ACSBG2: variants seen among roughly 807,000 people sequenced by gnomAD.
ACSBG2 encodes acyl-CoA synthetase bubblegum family member 2.
Under a neutral mutation model 74.7 loss-of-function variants are expected in ACSBG2, and 62 were observed. The observed-to-expected ratio is 0.83, with a 90% CI of 0.68 to 1.03. ACSBG2 has a LOEUF of 1.03. ACSBG2 is among the 50% of genes least tolerant of loss of function. The pLI, the probability that ACSBG2 is intolerant of heterozygous loss-of-function variation, is 0.00. For synonymous variants in ACSBG2, 309 were observed against 294.1 expected (o/e 1.05, Z -0.52); for missense variants, 730 against 817.6 (o/e 0.89, Z 1.31).
intron 10 of ACSBG2, among the ~76,000 whole-genome samples, chr19:6,183,514 G>A (rs2090320987): frequency 6.6e-6 from 1 of 152,220 alleles, no homozygotes; most frequent in South Asian, 2.1e-4. Flanking sequence ...TTTGTCACTT[G>A]TGAGTTCTGC....
chr19:6,186,123 A>ATCT (rs111917603), intron 11 of ACSBG2, among the ~76,000 whole-genome samples: 12,650 of 151,550 alleles, frequency 0.083, 920 homozygotes, highest in African/African-American at 0.2. Context: ...AAAAAGTGCC[A>ATCT]TCTTCTCCTG....
intron 8 of ACSBG2, among the ~76,000 whole-genome samples, chr19:6,181,056 A>AAC (rs1047058895): frequency 6.6e-6 from 1 of 150,838 alleles, no homozygotes. Flanking sequence ...AAAAAAAAAA[A>AAC]AAAAAAGAAA....
At position 6,138,595 on chromosome 19, in the gene ACSBG2, AGAG is replaced by A. The variant is rs376931425; in HGVS notation, c.-32+2687_-32+2689del. Among the ~76,000 whole-genome samples, 8 of 78,266 alleles carry A rather than the reference AGAG, an allele frequency of 1.0e-4. No homozygotes were observed. In the East Asian group the frequency reaches 2.2e-3, roughly 21 times the overall value. 51.3% of individuals were successfully genotyped at this position (78,266 alleles called of 152,430 possible). ...GGAGGGAGGGAAGGAAAGAGGGAAG[AGAG>A]AGGGAGGAAGGAAGGAAGGAAGGGG... On this transcript the variant is annotated intron_variant, in intron 1 of 14. Transcript: ENST00000588485.
chr19:6,182,656 T>A (rs2090291551), intron 8 of ACSBG2, 95 bp from the exon 9 acceptor site: 1 of 1,215,384 alleles, frequency 8.2e-7, no homozygotes, highest in Non-Finnish European at 1.2e-6. Flanking sequence ...AGTGAAGGAA[T>A]GTTCTCTTGG....
chr19:6,145,621 G>A (rs1408830400), intron 2 of ACSBG2, among the ~76,000 whole-genome samples: 2 of 152,054 alleles, frequency 1.3e-5, no homozygotes, highest in African/African-American at 4.8e-5. Flanking sequence ...TTACTGGGTG[G>A]TAGTGAGAAA....
Position 6,184,614 on chromosome 19 carries a change from G to GAA in ACSBG2, c.1323-808_1323-807dup, listed in dbSNP as rs773413408. On this transcript the variant is annotated intron_variant, in intron 10 of 14. Coordinates refer to ENST00000588485, the MANE Select transcript of ACSBG2 (RefSeq NM_030924.5). Reference sequence around the variant, plus strand: ...CTGCACTGGCCAGTGCTATCTCTAGGAAAAAAAAAAAAAAAGACAAAGAAC... The same window carrying GAA: ...CTGCACTGGCCAGTGCTATCTCTAGGAAAAAAAAAAAAAAAAAGACAAAGAAC... 5.6e-5 allele frequency among the ~76,000 whole-genome samples: 7 copies of GAA among 125,646 alleles called. No homozygotes were observed. The East Asian group carries it at 6.7e-4, about 12-fold the overall frequency. 82.4% of individuals were successfully genotyped at this position (125,646 alleles called of 152,430 possible). A position where few individuals can be genotyped will look rare whatever the true frequency, so the allele number is the denominator to read the frequency against.
intron 7 of ACSBG2, chr19:6,175,227 G>T (rs1382128433): frequency 6.6e-6 from 1 of 152,158 alleles, no homozygotes; most frequent in Non-Finnish European, 1.5e-5. Context: ...GGGATATTTT[G>T]GGCTGACTGC....
Position 6,147,459 on chromosome 19 carries a change from G to T in ACSBG2, c.81G>T (p.Leu27=), listed in dbSNP as rs139328780. 6.2e-7 allele frequency: 1 copy of T among 1,614,022 alleles called. No individual in the cohort carries two copies. The highest frequency in any genetic ancestry group is 2.2e-5 in the East Asian group (1 of 44,900). Residue 27 remains leucine (L), a synonymous_variant, in exon 3 of 15, where the codon CTG becomes CTT. Coordinates refer to ENST00000588485, the MANE Select transcript of ACSBG2 (RefSeq NM_030924.5). ...GACTATTTGCAGTTACTCCCAGGCT[G>T]TGGACCACCTGTCGAGATGGAGAAG... is the stretch of plus-strand genomic sequence containing the variant. The part of the protein sequence containing the change: ...DMNKTEVTPR[L]WTTCRDGEVL...
At chr19:6,192,570 G>A (rs1453311780) in intron 14 of ACSBG2, 98 bp from the exon 15 acceptor site, 1 of 152,166 alleles carries the variant, frequency 6.6e-6, no homozygotes, top group Non-Finnish European at 1.5e-5. Context: ...GATTCACTCG[G>A]GAATATTTTC....
rs760369655 is a variant in ACSBG2 at position 6,187,713 on chromosome 19, C to A, written c.1795C>A (p.Gln599Lys). 6.2e-7 allele frequency: 1 copy of A among 1,614,134 alleles called. No individual in the cohort carries two copies. The highest frequency in any genetic ancestry group is 1.7e-5 in the Admixed American group (1 of 60,018). The change falls in exon 13 of 15, where the codon CAA becomes AAA. Residue 599 changes from glutamine to lysine, a missense_variant. By Grantham distance (53) the Gln-to-Lys change is moderately conservative (BLOSUM62 1). Coordinates refer to ENST00000588485, the MANE Select transcript of ACSBG2 (RefSeq NM_030924.5). The part of the protein sequence containing the change: ...ASTVTEIVKQ[Q>K]DPLVYKAIQQ... Reference sequence around the variant, plus strand: ...CACCGTGACTGAGATTGTGAAGCAGCAAGACCCCCTGGTCTACAAGGCCAT... The same window carrying A: ...CACCGTGACTGAGATTGTGAAGCAGAAAGACCCCCTGGTCTACAAGGCCAT...
intron 1 of ACSBG2, among the ~76,000 whole-genome samples, chr19:6,139,630 A>G (rs1599976790): frequency 6.6e-6 from 1 of 152,228 alleles, no homozygotes; most frequent in African/African-American, 2.4e-5. Context: ...CACGCTCTTT[A>G]TCATGAACAA....
At chr19:6,146,518 C>A (rs1025024962) in intron 2 of ACSBG2, among the ~76,000 whole-genome samples, 8 of 151,960 alleles carry the variant, frequency 5.3e-5, no homozygotes, top group Non-Finnish European at 1.2e-4. Context: ...GTAATCCCAG[C>A]ACTTTGGGAG....
In ACSBG2 at chr19:6,174,448, A is replaced by G. The variant is rs1469781973; in HGVS notation, c.739-2781A>G. 1.3e-5 allele frequency among the ~76,000 whole-genome samples: 2 copies of G among 152,244 alleles called. No individual in the cohort carries two copies. Among genetic ancestry groups the G allele is most frequent in the Non-Finnish European group, 2.9e-5 (2 of 68,042 alleles). On this transcript the variant is annotated intron_variant, in intron 7 of 14. Transcript: ENST00000588485. This position sits in a 1 kb window ranked among gnomAD's most constrained non-coding sequence, Gnocchi z 4.2. Reference sequence around the variant, plus strand: ...GAGAATCTGCAGCTCTGTTTAATCTACCACATATACATAAAATGCTTAGAA... The same window carrying G: ...GAGAATCTGCAGCTCTGTTTAATCTGCCACATATACATAAAATGCTTAGAA...
chr19:6,178,995 G>A (rs2090166977), intron 8 of ACSBG2, among the ~76,000 whole-genome samples: 1 of 152,198 alleles, frequency 6.6e-6, no homozygotes, highest in African/African-American at 2.4e-5. Flanking sequence ...ATAGTCATTG[G>A]CTGTGGGCTC....
At chr19:6,190,427 C>T (rs1341984946) in intron 13 of ACSBG2, 157 bp from the exon 14 acceptor site, 1 of 617,052 alleles carries the variant, frequency 1.6e-6, no homozygotes, top group Non-Finnish European at 2.9e-6. Context: ...TTTTATCATC[C>T]CCATACAGAT....
intron 10 of ACSBG2, 34 bp from the exon 11 acceptor site, chr19:6,185,402 A>G (rs201689757): frequency 2.0e-4 from 325 of 1,611,108 alleles, no homozygotes; most frequent in South Asian, 1.5e-3. Context: ...CTTTGTCCCT[A>G]TGAGCCTGTT....
intron 4 of ACSBG2, among the ~76,000 whole-genome samples, 177 bp downstream of exon 4, chr19:6,151,972 C>A (rs561409563): frequency 6.6e-6 from 1 of 152,286 alleles, no homozygotes; most frequent in Admixed American, 6.5e-5. Flanking sequence ...CAATAACACC[C>A]ATTAGACTAG....
intron 11 of ACSBG2, among the ~76,000 whole-genome samples, chr19:6,187,002 GTTTTTT>G (rs1011907904): frequency 7.7e-6 from 1 of 130,692 alleles, no homozygotes; most frequent in East Asian, 2.1e-4. Flanking sequence ...TGGCCACTAG[GTTTTTT>G]TTTTTTTTTT....
intron 3 of ACSBG2, among the ~76,000 whole-genome samples, chr19:6,150,138 T>C (rs1013126472): frequency 2.0e-5 from 3 of 151,302 alleles, no homozygotes; most frequent in Non-Finnish European, 4.4e-5. Flanking sequence ...AATTCACACC[T>C]TTCAAGATAG....
Sources: gnomAD v4.1 joint callset for allele counts (sites outside exome capture counted in the v4.1 genomes callset) on GRCh38, gnomAD v4.1.1 for gene constraint, Gnocchi (gnomAD v3.1) non-coding constraint, MANE v1.5 for transcripts, NCBI Gene and HGNC (gene_info 2026-07-23, HGNC 2026-07-21) for gene names.